Variants in NDUFS4 observed in about 807,000 individuals in gnomAD.
The protein encoded by NDUFS4 is NADH dehydrogenase [ubiquinone] iron-sulfur protein 4, mitochondrial.
In NDUFS4, 28 loss-of-function variants were observed where a neutral mutation model predicts 24.3. That is an observed-to-expected ratio of 1.15 (90% CI 0.85 to 1.58). The LOEUF (loss-of-function observed/expected upper bound fraction) is 1.58. Among genes scored for constraint, NDUFS4 ranks in the 40% most tolerant of loss-of-function variants. NDUFS4 has a pLI of 0.00. For synonymous variants in NDUFS4, 93 were observed against 69.7 expected (o/e 1.34, Z -1.67); for missense variants, 223 against 207.9 (o/e 1.07, Z -0.45).
chr5:53,638,435 A>T (rs935090458), intron 2 of NDUFS4, among the ~76,000 whole-genome samples: 1 of 152,158 alleles, frequency 6.6e-6, no homozygotes. Context: ...TACCAAAGTG[A>T]CAAAAGATTT....
chr5:53,632,916 T>G (rs1751445958), intron 2 of NDUFS4, among the ~76,000 whole-genome samples: 1 of 152,170 alleles, frequency 6.6e-6, no homozygotes, highest in Admixed American at 6.5e-5. Flanking sequence ...AACCAACCTT[T>G]AAAAATGTGC....
intron 2 of NDUFS4, among the ~76,000 whole-genome samples, chr5:53,615,898 A>G (rs1329503417): frequency 1.3e-5 from 2 of 152,152 alleles, no homozygotes; most frequent in South Asian, 2.1e-4. Context: ...ATGTACATCT[A>G]TTCCAGTGAT....
intron 2 of NDUFS4, among the ~76,000 whole-genome samples, chr5:53,604,103 T>A (rs563103761): frequency 3.6e-4 from 55 of 152,308 alleles, no homozygotes; most frequent in Admixed American, 1.1e-3. Flanking sequence ...CCATCACTTA[T>A]AAAATATTTT....
At chr5:53,631,311 T>G (rs948937885) in intron 2 of NDUFS4, among the ~76,000 whole-genome samples, 1 of 152,128 alleles carries the variant, frequency 6.6e-6, no homozygotes, top group Non-Finnish European at 1.5e-5. Context: ...CTCTATGAGG[T>G]GTCTGTCGGC....
intron 2 of NDUFS4, among the ~76,000 whole-genome samples, chr5:53,630,758 G>A (rs546768671): frequency 6.6e-6 from 1 of 152,116 alleles, no homozygotes; most frequent in Admixed American, 6.5e-5. Flanking sequence ...CTCTACACTG[G>A]TTGTTCTAGT....
intron 1 of NDUFS4, among the ~76,000 whole-genome samples, chr5:53,582,226 A>AAAATT (rs1287393458): frequency 7.2e-6 from 1 of 139,304 alleles, no homozygotes; most frequent in South Asian, 2.3e-4. Context: ...AAAATAAAAT[A>AAAATT]AAATAAAATA....
intron 3 of NDUFS4, among the ~76,000 whole-genome samples, chr5:53,653,241 G>C (rs950334141): frequency 6.6e-6 from 1 of 152,122 alleles, no homozygotes; most frequent in South Asian, 2.1e-4. Context: ...GGACATAGAA[G>C]GTCAAATAGT....
At chr5:53,672,438 G>A (rs1348578067) in intron 4 of NDUFS4, among the ~76,000 whole-genome samples, 1 of 152,096 alleles carries the variant, frequency 6.6e-6, no homozygotes, top group African/African-American at 2.4e-5. Flanking sequence ...TTTGGTGGGG[G>A]AGGTCTATTA....
chr5:53,603,336 C>CTTTTTT (rs11414085), intron 1 of NDUFS4, 116 bp from the exon 2 acceptor site: 151 of 509,202 alleles, frequency 3.0e-4, no homozygotes, highest in South Asian at 1.0e-3. Flanking sequence ...CTTTCCTTTC[C>CTTTTTT]TTTTTTTTTT....
intron 2 of NDUFS4, among the ~76,000 whole-genome samples, chr5:53,645,158 C>T (rs935449971): frequency 7.9e-5 from 12 of 151,954 alleles, no homozygotes; most frequent in African/African-American, 2.9e-4. Context: ...CCAAGTTATC[C>T]AAAATTTACG....
Position 53,571,461 on chromosome 5 carries a change from T to A in NDUFS4, c.98+10701T>A, listed in dbSNP as rs141161106. ...GGACATCTGGATTGTTTCTACCTTTTGGCTACATGAATAGTGTTCTGTGGA... is the reference window on the plus strand; with the variant it reads ...GGACATCTGGATTGTTTCTACCTTTAGGCTACATGAATAGTGTTCTGTGGA... On this transcript the variant is annotated intron_variant, in intron 1 of 4. Coordinates refer to ENST00000296684, the MANE Select transcript of NDUFS4 (RefSeq NM_002495.4). Among the ~76,000 whole-genome samples, 250 of 152,370 alleles carry A rather than the reference T, an allele frequency of 1.6e-3. 1 individual carries two copies. Among genetic ancestry groups the A allele is most frequent in the African/African-American group, 5.5e-3 (229 of 41,586 alleles).
chr5:53,569,243 T>C (rs1363548312), intron 1 of NDUFS4, among the ~76,000 whole-genome samples: 1 of 152,194 alleles, frequency 6.6e-6, no homozygotes, highest in Non-Finnish European at 1.5e-5. Flanking sequence ...TAGACATGTG[T>C]AATTTGAATT....
At chr5:53,624,784 A>G (rs72753639) in intron 2 of NDUFS4, among the ~76,000 whole-genome samples, 14,086 of 152,246 alleles carry the variant, frequency 0.093, 779 homozygotes, top group Non-Finnish European at 0.13. Flanking sequence ...ATAATTATAC[A>G]TCTTTACAAG....
intron 1 of NDUFS4, among the ~76,000 whole-genome samples, chr5:53,589,241 T>A (rs949073727): frequency 1.3e-5 from 2 of 152,222 alleles, no homozygotes; most frequent in Non-Finnish European, 2.9e-5. Flanking sequence ...TAAATTCTCG[T>A]ATGGTAGTCC....
At chr5:53,659,432 A>T (rs1752264250) in intron 4 of NDUFS4, among the ~76,000 whole-genome samples, 1 of 152,156 alleles carries the variant, frequency 6.6e-6, no homozygotes, top group Non-Finnish European at 1.5e-5. Flanking sequence ...AAGGGTACCT[A>T]CCTCATGAAG....
At chr5:53,626,054 G>A (rs1751211914) in intron 2 of NDUFS4, among the ~76,000 whole-genome samples, 1 of 151,632 alleles carries the variant, frequency 6.6e-6, no homozygotes, top group Non-Finnish European at 1.5e-5. Flanking sequence ...ACCCTCTGAT[G>A]GGCCCTGGGT....
chr5:53,596,240 A>G (rs1437015119), intron 1 of NDUFS4, among the ~76,000 whole-genome samples: 2 of 151,600 alleles, frequency 1.3e-5, no homozygotes, highest in Non-Finnish European at 2.9e-5. Context: ...AGACCAGCCT[A>G]GGCAACATGG....
chr5:53,618,139 G>A (rs767694449), intron 2 of NDUFS4, among the ~76,000 whole-genome samples: 3 of 152,088 alleles, frequency 2.0e-5, no homozygotes. Context: ...GAGGGTAGTG[G>A]CGCGTGCCTG....
Position 53,572,966 on chromosome 5 carries a change from TTTTG to T in NDUFS4, c.98+12210_98+12213del, listed in dbSNP as rs1749262104. ...GCCTTTGTTGTTTTTTGTTTTTTTT[TTTTG>T]TTTTTTTTTTTTTTTAAGAGACCAG... On this transcript the variant is annotated intron_variant, in intron 1 of 4. Coordinates refer to ENST00000296684, the MANE Select transcript of NDUFS4 (RefSeq NM_002495.4). 9.4e-5 allele frequency among the ~76,000 whole-genome samples: 9 copies of T among 95,870 alleles called. 1 individual carries two copies. Among genetic ancestry groups the T allele is most frequent in the Non-Finnish European group, 1.2e-4 (6 of 51,298 alleles). The allele number at this position is 95,870 out of a possible 152,430, so 62.9% of individuals were successfully genotyped here. A position where few individuals can be genotyped will look rare whatever the true frequency, so the allele number is the denominator to read the frequency against.
Sources: gnomAD v4.1 joint callset for allele counts (sites outside exome capture counted in the v4.1 genomes callset) on GRCh38, gnomAD v4.1.1 for gene constraint, MANE v1.5 for transcripts, NCBI Gene and HGNC (gene_info 2026-07-23, HGNC 2026-07-21) for gene names.